GTF2IRD2: variants seen among roughly 807,000 people sequenced by gnomAD.
GTF2IRD2 encodes general transcription factor II-I repeat domain-containing protein 2A.
Under a neutral mutation model 49.2 loss-of-function variants are expected in GTF2IRD2, and 8 were observed. The ratio of observed to expected loss-of-function variants is 0.16; its 90% CI spans 0.10 to 0.29. The LOEUF is 0.29. GTF2IRD2 is among the 10% of genes least tolerant of loss of function. GTF2IRD2 has a pLI of 1.00. For synonymous variants in GTF2IRD2, 47 were observed against 289.7 expected (o/e 0.16, Z 8.51); for missense variants, 130 against 725.7 (o/e 0.18, Z 9.43).
At chr7:74,836,755 G>A (rs1448625722) in intron 1 of GTF2IRD2, among the ~76,000 whole-genome samples, 5 of 151,996 alleles carry the variant, frequency 3.3e-5, no homozygotes, top group African/African-American at 7.3e-5. Flanking sequence ...TTGTAAAGAC[G>A]GGGTTTTGCC....
intron 1 of GTF2IRD2, among the ~76,000 whole-genome samples, chr7:74,844,355 GTTTT>G (rs782659583): frequency 0.2 from 6,814 of 33,968 alleles, 415 homozygotes; most frequent in Middle Eastern, 0.31. Context: ...TGAGGATTAT[GTTTT>G]TTTTATTTAT....
intron 1 of GTF2IRD2, among the ~76,000 whole-genome samples, chr7:74,842,129 A>AAAAC (rs1330878620): frequency 4.7e-5 from 4 of 84,808 alleles, no homozygotes; most frequent in East Asian, 4.3e-4. Flanking sequence ...GTCTCACAAA[A>AAAAC]AAAACAAAAC....
At chr7:74,834,726 T>TC (rs1800149478) in intron 2 of GTF2IRD2, among the ~76,000 whole-genome samples, 1 of 121,192 alleles carries the variant, frequency 8.3e-6, no homozygotes, top group East Asian at 2.1e-4. Flanking sequence ...TTTTTAAGAG[T>TC]CAGGGTCTTG....
chr7:74,827,252 T>TC (rs1456473956), intron 3 of GTF2IRD2, among the ~76,000 whole-genome samples: 1 of 149,760 alleles, frequency 6.7e-6, no homozygotes, highest in African/African-American at 2.5e-5. Context: ...TTGAGAAATC[T>TC]CCATACTGTT....
At chr7:74,835,646 G>A (rs1800231319) in intron 2 of GTF2IRD2, among the ~76,000 whole-genome samples, 1 of 24,256 alleles carries the variant, frequency 4.1e-5, no homozygotes, top group South Asian at 9.8e-4. Flanking sequence ...CTCTATAAAG[G>A]ATACCCTTAT....
chr7:74,799,921 CAAAAA>C (rs1160840166), intron 15 of GTF2IRD2, among the ~76,000 whole-genome samples: 20 of 13,934 alleles, frequency 1.4e-3, no homozygotes, highest in African/African-American at 8.5e-3. Flanking sequence ...CCTGTCTCTA[CAAAAA>C]AAAAAAAAAA....
At chr7:74,800,366 C>T (rs1554416897) in intron 15 of GTF2IRD2, among the ~76,000 whole-genome samples, 1 of 136,242 alleles carries the variant, frequency 7.3e-6, no homozygotes, top group Non-Finnish European at 1.6e-5. Context: ...GCACGCGCCA[C>T]CATGCCCGAC....
chr7:74,799,235 G>C (rs1421784816), intron 15 of GTF2IRD2: 1 of 128,438 alleles, frequency 7.8e-6, no homozygotes, highest in African/African-American at 3.7e-5. Context: ...GTTTAAACAG[G>C]AATTATTTGA....
chr7:74,809,222 C>G (rs1554417468), intron 10 of GTF2IRD2, 49 bp from the exon 11 acceptor site: 1 of 8,704 alleles, frequency 1.1e-4, no homozygotes, highest in South Asian at 6.9e-4. Context: ...GTATTCTCCT[C>G]ATATTCCAAC....
chr7:74,838,083 AC>A (rs1302751881), intron 1 of GTF2IRD2, among the ~76,000 whole-genome samples: 1 of 82,138 alleles, frequency 1.2e-5, no homozygotes, highest in Non-Finnish European at 2.1e-5. Flanking sequence ...TTTTATGCTA[AC>A]TTTATAGAAT....
intron 1 of GTF2IRD2, among the ~76,000 whole-genome samples, chr7:74,842,800 C>T (rs1446732315): frequency 6.8e-6 from 1 of 146,012 alleles, no homozygotes; most frequent in Non-Finnish European, 1.5e-5. Flanking sequence ...ACGATCCTTC[C>T]ACCTCAGCCT....
intron 6 of GTF2IRD2, chr7:74,821,984 C>T (rs1343840840): frequency 3.5e-6 from 1 of 287,788 alleles, no homozygotes; most frequent in Non-Finnish European, 6.7e-6. Flanking sequence ...ACATGTGTGC[C>T]ACAATGGCTT....
chr7:74,834,233 CTTT>C (rs1212104357), intron 2 of GTF2IRD2, among the ~76,000 whole-genome samples: 3 of 96,638 alleles, frequency 3.1e-5, no homozygotes, highest in Non-Finnish European at 3.8e-5. Flanking sequence ...TTTATTTTTC[CTTT>C]TTTTTTTTTT....
intron 8 of GTF2IRD2, chr7:74,819,028 A>C (rs1482256814): frequency 2.4e-5 from 4 of 169,742 alleles, no homozygotes; most frequent in Non-Finnish European, 5.1e-5. Flanking sequence ...GGGCTCAAGC[A>C]ATTCTCATGC....
chr7:74,834,765 G>C lies in GTF2IRD2; in HGVS notation c.99+1515C>G, dbSNP rs1180129569. 1.4e-4 allele frequency among the ~76,000 whole-genome samples: 15 copies of C among 108,572 alleles called. 1 individual carries two copies. The highest frequency in any genetic ancestry group is 2.5e-4 in the Non-Finnish European group (15 of 58,982). 71.2% of individuals were successfully genotyped at this position (108,572 alleles called of 152,430 possible). Reference sequence around the variant, plus strand: ...TGTGCAGGCTGGAGTGCAGTGTCATGATAGCTCATGATAGCTTACTGCAGA... The same window carrying C: ...TGTGCAGGCTGGAGTGCAGTGTCATCATAGCTCATGATAGCTTACTGCAGA... On this transcript the variant is annotated intron_variant, in intron 2 of 15. Transcript: ENST00000451013.
chr7:74,841,608 A>G lies in GTF2IRD2; in HGVS notation c.-5-5225T>C, dbSNP rs587620728. On this transcript the variant is annotated intron_variant, in intron 1 of 15. Coordinates refer to ENST00000451013, the MANE Select transcript of GTF2IRD2 (RefSeq NM_173537.5). ...TCATCCACACTGGGATTACAGCTGC[A>G]AGCCACTACACCTGGCTCAATCAAC... Among the ~76,000 whole-genome samples, 133 of 140,142 alleles carry G rather than the reference A, an allele frequency of 9.5e-4. 1 individual carries two copies. The highest frequency in any genetic ancestry group is 7.6e-3 in the Middle Eastern group (2 of 264). 91.9% of individuals were successfully genotyped at this position (140,142 alleles called of 152,430 possible).
At chr7:74,841,120 T>A (rs1487255599) in intron 1 of GTF2IRD2, among the ~76,000 whole-genome samples, 29 of 141,522 alleles carry the variant, frequency 2.0e-4, no homozygotes, top group Admixed American at 4.2e-4. Context: ...GAGTGCTGGG[T>A]CTACAGGCGT....
At chr7:74,836,235 A>G in intron 2 of GTF2IRD2, 45 bp downstream of exon 2, 1 of 1,602,188 alleles carries the variant, frequency 6.2e-7, no homozygotes, top group Non-Finnish European at 8.5e-7. Context: ...TCATTTCGAC[A>G]ATGATCCATC....
chr7:74,822,386 C>A (rs1322144291), intron 6 of GTF2IRD2, 41 bp downstream of exon 6: 3 of 675,564 alleles, frequency 4.4e-6, no homozygotes, highest in Non-Finnish European at 8.1e-6. Context: ...AGTGGTTCAG[C>A]AGCTCAGAAG....
Sources: gnomAD v4.1 joint callset for allele counts (sites outside exome capture counted in the v4.1 genomes callset) on GRCh38, gnomAD v4.1.1 for gene constraint, MANE v1.5 for transcripts, NCBI Gene and HGNC (gene_info 2026-07-23, HGNC 2026-07-21) for gene names.